DIPK2B: variants seen among roughly 807,000 people sequenced by gnomAD.
DIPK2B encodes the protein UPF0672 protein CXorf36.
DIPK2B carries 15 observed loss-of-function variants against 22.2 expected under a neutral mutation model. The observed-to-expected ratio is 0.68, with a 90% CI of 0.45 to 1.04. The LOEUF (loss-of-function observed/expected upper bound fraction) is 1.04. Among genes scored for constraint, DIPK2B ranks in the 50% least tolerant of loss-of-function variants. The pLI is 0.00. For missense variants in DIPK2B, 345 were observed against 348.3 expected (o/e 0.99, Z 0.08); for synonymous variants, 163 against 153.2 (o/e 1.06, Z -0.47).
intron 1 of DIPK2B, among the ~76,000 whole-genome samples, chrX:45,195,772 C>A (rs1308460072): frequency 2.7e-5 from 3 of 112,504 alleles, no homozygotes; most frequent in Non-Finnish European, 5.6e-5. Context: ...TTGGTCTCAC[C>A]AAACCACTGA....
intron 1 of DIPK2B, among the ~76,000 whole-genome samples, chrX:45,199,222 T>C (rs1304746162): frequency 8.9e-6 from 1 of 112,660 alleles, no homozygotes; most frequent in African/African-American, 3.2e-5. Context: ...TATTTCTATT[T>C]AGTAATTTGG....
intron 1 of DIPK2B, among the ~76,000 whole-genome samples, chrX:45,199,627 C>T (rs1320362280): frequency 1.8e-5 from 2 of 111,545 alleles, no homozygotes; most frequent in African/African-American, 6.5e-5. Context: ...AAAGGCTTTG[C>T]TCAGAATACC....
At chrX:45,173,938 C>A (rs1398675676) in intron 2 of DIPK2B, among the ~76,000 whole-genome samples, 1 of 111,370 alleles carries the variant, frequency 9.0e-6, no homozygotes, top group Admixed American at 9.5e-5. Flanking sequence ...TTCCTCTGCA[C>A]CCTGGGTGCC....
intron 2 of DIPK2B, among the ~76,000 whole-genome samples, chrX:45,160,973 C>T (rs1185063234): frequency 8.9e-6 from 1 of 111,890 alleles, no homozygotes; most frequent in Non-Finnish European, 1.9e-5. Flanking sequence ...GCTTCCTTTG[C>T]AGCTAGGTGT....
intron 2 of DIPK2B, among the ~76,000 whole-genome samples, chrX:45,175,604 C>T (rs866768819): frequency 2.4e-5 from 2 of 81,851 alleles, no homozygotes; most frequent in Admixed American, 2.4e-4. Context: ...TATATATATA[C>T]ACACATATAT....
intron 1 of DIPK2B, among the ~76,000 whole-genome samples, chrX:45,197,922 A>T (rs921533992): frequency 8.9e-6 from 1 of 112,304 alleles, no homozygotes; most frequent in African/African-American, 3.2e-5. Context: ...AAAATGAAAT[A>T]AAAAAACTCT....
chrX:45,191,614 A>G (rs2047210890), intron 2 of DIPK2B, 137 bp downstream of exon 2: 17 of 763,828 alleles, frequency 2.2e-5, no homozygotes, highest in Non-Finnish European at 3.2e-5. Context: ...CCACTGTTTT[A>G]TGACAGTGTT....
chrX:45,177,139 A>C (rs1303180072), intron 2 of DIPK2B, among the ~76,000 whole-genome samples: 1 of 109,281 alleles, frequency 9.2e-6, no homozygotes, highest in East Asian at 2.9e-4. Flanking sequence ...CTCTACAAAA[A>C]AGTACAAAAA....
chrX:45,167,036 G>A (rs1279348051), intron 2 of DIPK2B, among the ~76,000 whole-genome samples: 1 of 112,449 alleles, frequency 8.9e-6, no homozygotes, highest in Non-Finnish European at 1.9e-5. Context: ...TGGGACTTAG[G>A]TTAATCATGC....
intron 2 of DIPK2B, among the ~76,000 whole-genome samples, chrX:45,173,027 T>C (rs1312675292): frequency 9.0e-6 from 1 of 111,647 alleles, no homozygotes; most frequent in African/African-American, 3.3e-5. Context: ...GCCAGGCTTC[T>C]AGTTCCCCCT....
At chrX:45,157,013 A>C (rs2046999176) in intron 3 of DIPK2B, among the ~76,000 whole-genome samples, 2 of 99,371 alleles carry the variant, frequency 2.0e-5, no homozygotes, top group Admixed American at 1.1e-4. Flanking sequence ...CCTCTTTCTC[A>C]CTCTACTCCC....
chrX:45,185,539 C>T lies in DIPK2B; in HGVS notation c.498+6212G>A, dbSNP rs2047177416. 5.4e-5 allele frequency among the ~76,000 whole-genome samples: 6 copies of T among 110,789 alleles called. No homozygotes were observed. In the Admixed American group the frequency reaches 5.8e-4, roughly 11 times the overall value. ...ATCATCTGGAAGGAGCCACTGGTGACTTGTCTCATGTCTATCTTTCCCCTA... is the reference window on the plus strand; with the variant it reads ...ATCATCTGGAAGGAGCCACTGGTGATTTGTCTCATGTCTATCTTTCCCCTA... On this transcript the variant is annotated intron_variant, in intron 2 of 4. Transcript: ENST00000398000.
chrX:45,166,724 A>T (rs2047050812), intron 2 of DIPK2B, among the ~76,000 whole-genome samples: 1 of 112,172 alleles, frequency 8.9e-6, no homozygotes, highest in African/African-American at 3.2e-5. Flanking sequence ...TCAGATGGAA[A>T]CAAGTGTGTG....
chrX:45,185,739 G>T (rs1184804596), intron 2 of DIPK2B, among the ~76,000 whole-genome samples: 1 of 102,163 alleles, frequency 9.8e-6, no homozygotes, highest in South Asian at 4.7e-4. Flanking sequence ...TGCAACCTCC[G>T]CCTCCTGGGT....
intron 1 of DIPK2B, among the ~76,000 whole-genome samples, chrX:45,194,874 G>A (rs768606606): frequency 3.6e-5 from 4 of 112,037 alleles, no homozygotes; most frequent in African/African-American, 6.5e-5. Context: ...GGTGGTGTGG[G>A]AAGAGATTTC....
At chrX:45,169,762 G>T (rs906182966) in intron 2 of DIPK2B, among the ~76,000 whole-genome samples, 3 of 112,315 alleles carry the variant, frequency 2.7e-5, no homozygotes, top group African/African-American at 9.7e-5. Context: ...TCCACACCAT[G>T]ACTATAACTG....
chrX:45,181,790 C>T (rs969181506), intron 2 of DIPK2B, among the ~76,000 whole-genome samples: 1 of 111,856 alleles, frequency 8.9e-6, no homozygotes, highest in Non-Finnish European at 1.9e-5. Context: ...ACACGATAAA[C>T]AGAACATTAA....
intron 2 of DIPK2B, among the ~76,000 whole-genome samples, chrX:45,169,207 C>A (rs1239757068): frequency 9.0e-6 from 1 of 111,715 alleles, no homozygotes; most frequent in African/African-American, 3.3e-5. Context: ...ACGGTACCCA[C>A]CTCATGAGGG....
chrX:45,168,155 A>C (rs894949952), intron 2 of DIPK2B, among the ~76,000 whole-genome samples: 1 of 112,624 alleles, frequency 8.9e-6, no homozygotes, highest in African/African-American at 3.2e-5. Flanking sequence ...TGTTGCTTTG[A>C]AATCCCTAAG....
Sources: gnomAD v4.1 joint callset for allele counts (sites outside exome capture counted in the v4.1 genomes callset) on GRCh38, gnomAD v4.1.1 for gene constraint, MANE v1.5 for transcripts, NCBI Gene and HGNC (gene_info 2026-07-23, HGNC 2026-07-21) for gene names.